Variants in NCKAP5 observed in about 807,000 individuals in gnomAD.
NCKAP5 encodes the protein NCK associated protein 5.
Under a neutral mutation model 167.0 loss-of-function variants are expected in NCKAP5, and 92 were observed. That is an observed-to-expected ratio of 0.55 (90% CI 0.47 to 0.66). NCKAP5 has a LOEUF of 0.66. Among genes scored for constraint, NCKAP5 ranks in the 30% least tolerant of loss-of-function variants. The probability of loss-of-function intolerance (pLI) is 0.00; values close to 1 mark genes in which losing one functional copy is unlikely to be tolerated. For missense variants in NCKAP5, 2,378 were observed against 2,315.0 expected, an observed-to-expected ratio of 1.03 and a Z score of -0.56; for synonymous variants, 891 against 877.4, an observed-to-expected ratio of 1.02 and a Z score of -0.27.
chr2:132,905,195 G>A (rs536691897), intron 8 of NCKAP5, among the ~76,000 whole-genome samples: 15 of 151,796 alleles, frequency 9.9e-5, no homozygotes, highest in African/African-American at 2.9e-4. Flanking sequence ...TGATATTATT[G>A]TCCCAGAACA....
intron 11 of NCKAP5, among the ~76,000 whole-genome samples, chr2:132,826,203 C>T (rs1687113603): frequency 6.6e-6 from 1 of 152,200 alleles, no homozygotes; most frequent in Non-Finnish European, 1.5e-5. Context: ...ATAAACATTA[C>T]ATATTTAGGT....
intron 6 of NCKAP5, among the ~76,000 whole-genome samples, chr2:133,098,182 A>C (rs746232064): frequency 2.0e-5 from 3 of 152,256 alleles, no homozygotes; most frequent in Non-Finnish European, 4.4e-5. Flanking sequence ...TAAAGTAAGA[A>C]AATTTCCAAC....
intron 3 of NCKAP5, among the ~76,000 whole-genome samples, chr2:133,465,065 A>G (rs867448444): frequency 1.3e-5 from 2 of 151,714 alleles, no homozygotes; most frequent in East Asian, 3.9e-4. Context: ...TGTGCAGGTT[A>G]GTTACATATG....
At chr2:133,003,209 G>A (rs1196353063) in intron 6 of NCKAP5, among the ~76,000 whole-genome samples, 3 of 152,152 alleles carry the variant, frequency 2.0e-5, no homozygotes, top group African/African-American at 7.2e-5. Flanking sequence ...GAGAGGATAG[G>A]ACAATTACCT....
At chr2:133,485,306 C>T (rs998483801) in intron 3 of NCKAP5, among the ~76,000 whole-genome samples, 1 of 152,264 alleles carries the variant, frequency 6.6e-6, no homozygotes. Context: ...GCACGCCTGG[C>T]CCTCTAATTC....
At chr2:132,953,163 C>T (rs1029622057) in intron 8 of NCKAP5, among the ~76,000 whole-genome samples, 3 of 152,122 alleles carry the variant, frequency 2.0e-5, no homozygotes, top group African/African-American at 4.8e-5. Context: ...ATAAACAGGC[C>T]GAGCCACTTG....
chr2:133,498,327 A>G (rs1045371183), intron 3 of NCKAP5, among the ~76,000 whole-genome samples: 1 of 151,996 alleles, frequency 6.6e-6, no homozygotes, highest in East Asian at 1.9e-4. Flanking sequence ...TTACATTTAC[A>G]TGCAGTTAGG....
intron 8 of NCKAP5, among the ~76,000 whole-genome samples, chr2:132,920,807 A>AGAGCT (rs1695363190): frequency 9.4e-6 from 1 of 105,976 alleles, no homozygotes; most frequent in African/African-American, 3.6e-5. Context: ...ATATATATAT[A>AGAGCT]TATATATATA....
chr2:133,455,229 T>C (rs905988368), intron 3 of NCKAP5, among the ~76,000 whole-genome samples: 2 of 152,148 alleles, frequency 1.3e-5, no homozygotes, highest in African/African-American at 4.8e-5. Flanking sequence ...ACATCTATTT[T>C]TTGTAAAGCC....
At chr2:133,016,012 T>C (rs554869217) in intron 6 of NCKAP5, among the ~76,000 whole-genome samples, 1 of 151,834 alleles carries the variant, frequency 6.6e-6, no homozygotes, top group East Asian at 2.0e-4. Context: ...TTTGGGTGGC[T>C]GTGAGTACTG....
Position 133,135,834 on chromosome 2 carries a change from C to T in NCKAP5, c.208-5723G>A, listed in dbSNP as rs892575564. On this transcript the variant is annotated intron_variant, in intron 5 of 19. Coordinates refer to ENST00000409261, the MANE Select transcript of NCKAP5 (RefSeq NM_207363.3). ...AATGTATGGTAAGGCACTTCAAAAA[C>T]TCAAAAGTCCTATATAAAAATAAAA... Among the ~76,000 whole-genome samples, 156 of 152,106 alleles carry T rather than the reference C, an allele frequency of 1.0e-3. 2 individuals carry two copies. The highest frequency in any genetic ancestry group is 3.4e-3 in the Middle Eastern group (1 of 294).
At chr2:133,387,477 C>T (rs1030791595) in intron 3 of NCKAP5, among the ~76,000 whole-genome samples, 2 of 152,318 alleles carry the variant, frequency 1.3e-5, no homozygotes, top group African/African-American at 4.8e-5. Context: ...CTGCCCTTAA[C>T]ATTTTTTCCT....
At chr2:133,519,284 A>C (rs1684279619) in intron 2 of NCKAP5, among the ~76,000 whole-genome samples, 2 of 152,378 alleles carry the variant, frequency 1.3e-5, no homozygotes, top group South Asian at 4.1e-4. Context: ...GTCCACTCAG[A>C]AACTCTTAAG....
intron 9 of NCKAP5, 90 bp from the exon 10 acceptor site, chr2:132,869,064 TTG>T: frequency 4.6e-6 from 4 of 865,236 alleles, no homozygotes; most frequent in Non-Finnish European, 6.9e-6. Context: ...TCGCAGCTTA[TTG>T]TAGCTAATTA....
chr2:133,433,747 G>T (rs1405590401), intron 3 of NCKAP5: 1 of 152,194 alleles, frequency 6.6e-6, no homozygotes, highest in Non-Finnish European at 1.5e-5. Context: ...AGGAGATAGA[G>T]AATTGAATTA....
the NCKAP5 span, among the ~76,000 whole-genome samples, chr2:133,658,867 A>C: frequency 6.6e-6 from 1 of 151,858 alleles, no homozygotes; most frequent in Admixed American, 6.6e-5. Flanking sequence ...TGCAACCCGA[A>C]ATACTGACTT....
chr2:132,920,771 G>GTATATATATATGTATATATATATATA (rs1695335035), intron 8 of NCKAP5, among the ~76,000 whole-genome samples: 1 of 31,570 alleles, frequency 3.2e-5, no homozygotes, highest in Admixed American at 4.4e-4. Context: ...ATATATGTAT[G>GTATATATATATGTATATATATATATA]TATATATATA....
intron 8 of NCKAP5, among the ~76,000 whole-genome samples, chr2:132,928,050 T>C (rs1018391220): frequency 6.6e-6 from 1 of 152,184 alleles, no homozygotes; most frequent in Non-Finnish European, 1.5e-5. Context: ...ACCCTTTCTA[T>C]AGTGCTTTGT....
rs140781488 is a variant in NCKAP5, at chr2:133,181,118, C to T, written c.207+32598G>A. On this transcript the variant is annotated intron_variant, in intron 5 of 19. Coordinates refer to ENST00000409261, the MANE Select transcript of NCKAP5 (RefSeq NM_207363.3). ...TCATGAGTTTCTAAATTATATTTCA[C>T]AACTGAAGCAAAAACAACACTATGT... Among the ~76,000 whole-genome samples the T allele has an allele frequency of 1.2e-3, 184 of 151,346 alleles. 2 individuals carry two copies. In the East Asian group the frequency reaches 0.026, roughly 22 times the overall value.
Sources: gnomAD v4.1 joint callset for allele counts (sites outside exome capture counted in the v4.1 genomes callset) on GRCh38, gnomAD v4.1.1 for gene constraint, MANE v1.5 for transcripts, NCBI Gene and HGNC (gene_info 2026-07-23, HGNC 2026-07-21) for gene names.